PTPRD: variants seen among roughly 807,000 people sequenced by gnomAD.
PTPRD encodes the protein protein tyrosine phosphatase receptor type D, also known as receptor-type tyrosine-protein phosphatase delta.
Under a neutral mutation model 214.5 loss-of-function variants are expected in PTPRD, and 34 were observed. The observed-to-expected ratio is 0.16, with a 90% CI of 0.12 to 0.21. The LOEUF is 0.21. Ranked by LOEUF, PTPRD falls within the 10% of genes least tolerant of loss-of-function variation. PTPRD has a pLI of 1.00. For missense variants in PTPRD, 2,545 were observed against 2,398.7 expected, an observed-to-expected ratio of 1.06 and a Z score of -1.27; for synonymous variants, 1,128 against 845.7, an observed-to-expected ratio of 1.33 and a Z score of -5.79.
At chr9:10,563,089 A>G (rs2064493502) in intron 2 of PTPRD, among the ~76,000 whole-genome samples, 1 of 152,182 alleles carries the variant, frequency 6.6e-6, no homozygotes, top group South Asian at 2.1e-4. Flanking sequence ...CTAGGGCATG[A>G]TATCTGTGTA....
chr9:8,612,504 T>TA (rs558503203), intron 14 of PTPRD, among the ~76,000 whole-genome samples: 222 of 152,300 alleles, frequency 1.5e-3, no homozygotes, highest in African/African-American at 5.1e-3. Flanking sequence ...ATTAAGGTGT[T>TA]AGAAGCAAAT....
intron 2 of PTPRD, among the ~76,000 whole-genome samples, chr9:10,569,432 T>G (rs916629109): frequency 1.3e-5 from 2 of 152,094 alleles, no homozygotes; most frequent in African/African-American, 4.8e-5. Context: ...ATTATTATTT[T>G]AATAACTTAT....
chr9:8,804,709 C>G (rs185189049), intron 11 of PTPRD, among the ~76,000 whole-genome samples: 82 of 142,836 alleles, frequency 5.7e-4, no homozygotes, highest in Admixed American at 2.2e-3. Flanking sequence ...TACTCTAAAA[C>G]TCTTACTTCT....
At chr9:9,775,081 G>A (rs1016620124) in intron 5 of PTPRD, among the ~76,000 whole-genome samples, 7 of 152,220 alleles carry the variant, frequency 4.6e-5, no homozygotes, top group African/African-American at 1.7e-4. Context: ...TTGAGCACCA[G>A]TTTGGAGAGT....
intron 3 of PTPRD, among the ~76,000 whole-genome samples, chr9:10,286,480 A>T (rs1335145428): frequency 6.6e-6 from 1 of 152,184 alleles, no homozygotes; most frequent in Non-Finnish European, 1.5e-5. Flanking sequence ...ATTAAAAAAA[A>T]ATTAAATCTC....
At chr9:10,057,713 C>T (rs977911712) in intron 3 of PTPRD, among the ~76,000 whole-genome samples, 6 of 151,658 alleles carry the variant, frequency 4.0e-5, no homozygotes, top group Admixed American at 2.0e-4. Flanking sequence ...GCGTGGTGCA[C>T]GTGTCTGTAG....
intron 34 of PTPRD, among the ~76,000 whole-genome samples, chr9:8,439,978 A>C: frequency 1.9e-5 from 2 of 104,218 alleles, no homozygotes; most frequent in African/African-American, 3.4e-5. Context: ...CAGGCTGTAC[A>C]CCAGACCAAT....
rs575369125 is a variant in PTPRD, at chr9:9,746,071, C to G, written c.-325-11500G>C. Among the ~76,000 whole-genome samples, 133 of 151,838 alleles carry G rather than the reference C, an allele frequency of 8.8e-4. 1 individual carries two copies. The highest frequency in any genetic ancestry group is 3.0e-3 in the African/African-American group (124 of 41,422). On this transcript the variant is annotated intron_variant, in intron 6 of 45. Coordinates refer to ENST00000381196, the MANE Select transcript of PTPRD (RefSeq NM_002839.4). ...GAGAAACCAAGTTTCCTCAGGAAAC[C>G]CAAGAGAAAATCTGCAATGCTTAAA...
intron 14 of PTPRD, among the ~76,000 whole-genome samples, chr9:8,583,847 T>C (rs563746534): frequency 7.2e-5 from 11 of 152,280 alleles, no homozygotes; most frequent in African/African-American, 2.6e-4. Flanking sequence ...CTTTCTTCAT[T>C]TCATATCTAA....
At position 8,430,976 on chromosome 9, in the gene PTPRD, C is replaced by A. The variant is rs995993716; in HGVS notation, c.4086+5616G>T. Among the ~76,000 whole-genome samples the A allele has an allele frequency of 3.3e-5, 5 of 152,160 alleles. No homozygotes were observed. In the East Asian group the frequency reaches 7.7e-4, roughly 23 times the overall value. Reference sequence around the variant, plus strand: ...CTCCAGAAGTACAGGTTTCTTACAACTTCTATATTTTCTCAGCACTGAGCA... The same window carrying A: ...CTCCAGAAGTACAGGTTTCTTACAAATTCTATATTTTCTCAGCACTGAGCA... On this transcript the variant is annotated intron_variant, in intron 35 of 45. Transcript: ENST00000381196.
chr9:9,995,036 G>A (rs184082779), intron 4 of PTPRD, among the ~76,000 whole-genome samples: 1 of 151,952 alleles, frequency 6.6e-6, no homozygotes, highest in Non-Finnish European at 1.5e-5. Context: ...TTAAGTTTAA[G>A]CTTATTTTTG....
chr9:10,586,675 C>A (rs1257239524), intron 2 of PTPRD, among the ~76,000 whole-genome samples: 1 of 151,952 alleles, frequency 6.6e-6, no homozygotes, highest in Non-Finnish European at 1.5e-5. Flanking sequence ...GACTAAAGTG[C>A]CGAGAATGAA....
chr9:9,353,987 T>C lies in PTPRD; in HGVS notation c.-203+43462A>G, dbSNP rs543765913. Among the ~76,000 whole-genome samples the C allele has an allele frequency of 2.0e-4, 29 of 148,588 alleles. No individual in the cohort carries two copies. In the South Asian group the frequency reaches 3.1e-3, roughly 16 times the overall value. ...GTGATGGAATGACTGCGGTCACTCT[T>C]TCTTTCTCGATTTTGGCTAGGGGTC... is the stretch of plus-strand genomic sequence containing the variant. On this transcript the variant is annotated intron_variant, in intron 9 of 45. Coordinates refer to ENST00000381196, the MANE Select transcript of PTPRD (RefSeq NM_002839.4).
chr9:8,350,574 A>C (rs1198755167), intron 39 of PTPRD, among the ~76,000 whole-genome samples: 1 of 152,068 alleles, frequency 6.6e-6, no homozygotes, highest in Non-Finnish European at 1.5e-5. Flanking sequence ...CATTGTGAAA[A>C]CCTTCTTTCA....
At chr9:8,864,234 C>G (rs2098156576) in intron 11 of PTPRD, among the ~76,000 whole-genome samples, 1 of 152,148 alleles carries the variant, frequency 6.6e-6, no homozygotes, top group Non-Finnish European at 1.5e-5. Context: ...TTTCCATGGT[C>G]AACCAAAATT....
chr9:10,279,177 T>C (rs1334752316), intron 3 of PTPRD, among the ~76,000 whole-genome samples: 1 of 151,234 alleles, frequency 6.6e-6, no homozygotes, highest in African/African-American at 2.5e-5. Context: ...CCTCCACTCT[T>C]GTCAGTAGTA....
chr9:9,998,129 A>AAAATATATATATATATATATAT (rs57991748), intron 4 of PTPRD, among the ~76,000 whole-genome samples: 5 of 91,458 alleles, frequency 5.5e-5, no homozygotes, highest in African/African-American at 2.9e-4. Context: ...AAAAAAAAAA[A>AAAATATATATATATATATATAT]ATATATATAT....
chr9:9,838,526 T>A (rs2057456226), intron 5 of PTPRD, among the ~76,000 whole-genome samples: 1 of 152,170 alleles, frequency 6.6e-6, no homozygotes, highest in African/African-American at 2.4e-5. Flanking sequence ...CCAGTGATGG[T>A]GAGCATTTTT....
At chr9:8,876,154 A>G (rs1391412291) in intron 11 of PTPRD, among the ~76,000 whole-genome samples, 2 of 152,134 alleles carry the variant, frequency 1.3e-5, no homozygotes, top group Non-Finnish European at 2.9e-5. Context: ...TTGTGTTTCC[A>G]CCAGTTTTGT....
Sources: gnomAD v4.1 joint callset for allele counts (sites outside exome capture counted in the v4.1 genomes callset) on GRCh38, gnomAD v4.1.1 for gene constraint, MANE v1.5 for transcripts, NCBI Gene and HGNC (gene_info 2026-07-23, HGNC 2026-07-21) for gene names.